PPHLN1: variants seen among roughly 807,000 people sequenced by gnomAD.
The protein encoded by PPHLN1 is periphilin-1.
Under a neutral mutation model 51.3 loss-of-function variants are expected in PPHLN1, and 29 were observed. The ratio of observed to expected loss-of-function variants is 0.57; its 90% confidence interval spans 0.42 to 0.77. The LOEUF is 0.77. Ranked by LOEUF, PPHLN1 falls within the 30% of genes least tolerant of loss-of-function variation. The pLI is 0.00. For missense variants in PPHLN1, 436 were observed against 438.4 expected, an observed-to-expected ratio of 0.99 and a Z score of 0.05; for synonymous variants, 147 against 147.8, an observed-to-expected ratio of 0.99 and a Z score of 0.04.
downstream of PPHLN1, chr12:42,442,535 C>T: frequency 6.8e-7 from 1 of 1,467,982 alleles, no homozygotes. Context: ...TCCAGCTTAT[C>T]AGGACTGCAC....
chr12:42,436,607 T>TC (rs934025925), intron 9 of PPHLN1, among the ~76,000 whole-genome samples: 4 of 151,954 alleles, frequency 2.6e-5, no homozygotes, highest in Non-Finnish European at 4.4e-5. Flanking sequence ...AATTATAATA[T>TC]CCCCCCCTTA....
At chr12:42,387,194 T>C (rs753307897) in intron 6 of PPHLN1, 60 of 254,560 alleles carry the variant, frequency 2.4e-4, no homozygotes, top group Non-Finnish European at 1.3e-4. Flanking sequence ...GAAGTCTCTG[T>C]GGCTCCATGT....
intron 5 of PPHLN1, 57 bp downstream of exon 5, chr12:42,375,131 C>T (rs2076144937): frequency 2.3e-6 from 3 of 1,298,138 alleles, no homozygotes; most frequent in Non-Finnish European, 3.2e-6. Context: ...TGAGAATGTA[C>T]TGAGTCAGAT....
chr12:42,426,283 C>T (rs1946517936), intron 9 of PPHLN1, among the ~76,000 whole-genome samples: 1 of 151,502 alleles, frequency 6.6e-6, no homozygotes, highest in Admixed American at 6.6e-5. Flanking sequence ...ACCTGCCTTC[C>T]AGACCCCTCC....
chr12:42,335,706 T>TA (rs1407664905), intron 1 of PPHLN1, among the ~76,000 whole-genome samples, 177 bp from the exon 2 acceptor site: 1 of 150,036 alleles, frequency 6.7e-6, no homozygotes, highest in Non-Finnish European at 1.5e-5. Flanking sequence ...TTTTTTTTTT[T>TA]AAAGAAAATC....
intron 9 of PPHLN1, among the ~76,000 whole-genome samples, chr12:42,417,943 G>GTTTTTTTTTTGT (rs2080578205): frequency 1.1e-5 from 1 of 88,392 alleles, no homozygotes; most frequent in Non-Finnish European, 2.2e-5. Flanking sequence ...TTTTTTTTTT[G>GTTTTTTTTTTGT]TTTTTTTTTT....
intron 4 of PPHLN1, among the ~76,000 whole-genome samples, chr12:42,367,383 A>G (rs1260167553): frequency 6.6e-6 from 1 of 152,050 alleles, no homozygotes; most frequent in African/African-American, 2.4e-5. Context: ...ACAATTTATG[A>G]TAAATCAGGT....
intron 4 of PPHLN1, among the ~76,000 whole-genome samples, chr12:42,370,066 G>C (rs1357287717): frequency 1.3e-5 from 2 of 152,224 alleles, no homozygotes; most frequent in Non-Finnish European, 2.9e-5. Flanking sequence ...CATGAACTCT[G>C]AATTTCTGCT....
chr12:42,406,216 T>C (rs1386184312), intron 9 of PPHLN1, among the ~76,000 whole-genome samples: 4 of 151,862 alleles, frequency 2.6e-5, no homozygotes, highest in South Asian at 4.2e-4. Flanking sequence ...CCCGAGTAGC[T>C]GGGACTACAG....
chr12:42,338,687 G>A (rs906189790), intron 2 of PPHLN1, among the ~76,000 whole-genome samples: 3 of 152,172 alleles, frequency 2.0e-5, no homozygotes, highest in Non-Finnish European at 4.4e-5. Context: ...GAAACTATTA[G>A]GATAGACTTT....
At chr12:42,330,829 C>T (rs576955355) in intron 1 of PPHLN1, among the ~76,000 whole-genome samples, 61 of 152,168 alleles carry the variant, frequency 4.0e-4, no homozygotes, top group Non-Finnish European at 5.0e-4. Context: ...CTTGCCTCAG[C>T]CTCCTGAGTA....
intron 8 of PPHLN1, chr12:42,398,579 G>A (rs1249107336): frequency 1.2e-5 from 3 of 260,128 alleles, no homozygotes; most frequent in Non-Finnish European, 1.4e-5. Flanking sequence ...ACTAAAAATT[G>A]GAATGAAACA....
intron 2 of PPHLN1, among the ~76,000 whole-genome samples, chr12:42,340,678 A>G (rs1030932189): frequency 6.6e-6 from 1 of 152,202 alleles, no homozygotes; most frequent in Non-Finnish European, 1.5e-5. Context: ...TGACTGGGAG[A>G]CCGCACAATG....
intron 9 of PPHLN1, among the ~76,000 whole-genome samples, chr12:42,417,506 T>C (rs890424062): frequency 6.6e-6 from 1 of 151,376 alleles, no homozygotes; most frequent in Non-Finnish European, 1.5e-5. Context: ...CATGTTGGTA[T>C]GGAAGTCAAC....
At chr12:42,341,368 T>C (rs148866555) in intron 2 of PPHLN1, among the ~76,000 whole-genome samples, 1 of 152,282 alleles carries the variant, frequency 6.6e-6, no homozygotes, top group East Asian at 1.9e-4. Flanking sequence ...AGATGTGATA[T>C]AAAGTGCAAC....
intron 7 of PPHLN1, among the ~76,000 whole-genome samples, chr12:42,389,410 A>T (rs2077488923): frequency 6.6e-6 from 1 of 151,396 alleles, no homozygotes; most frequent in African/African-American, 2.4e-5. Context: ...AAAAAAAACA[A>T]TTAGCCGGGT....
intron 1 of PPHLN1, among the ~76,000 whole-genome samples, chr12:42,331,072 G>C (rs1406823646): frequency 6.6e-6 from 1 of 152,164 alleles, no homozygotes; most frequent in African/African-American, 2.4e-5. Flanking sequence ...GTAACAGTCC[G>C]ATCTCTCTTT....
Position 42,441,341 on chromosome 12 carries a change from C to T in PPHLN1, c.936C>T (p.Phe312=), listed in dbSNP as rs1325489575. Reference sequence around the variant, plus strand: ...TTTACCGACAAGACTGTGAAACTTTCGGGATGGTGGTGAAAATGCTGATTG... The same window carrying T: ...TTTACCGACAAGACTGTGAAACTTTTGGGATGGTGGTGAAAATGCTGATTG... The part of the protein sequence containing the change: ...EQVYRQDCET[F]GMVVKMLIEK... The change falls in exon 10 of 10, where the codon TTC becomes TTT. Residue 312 remains phenylalanine (F), a synonymous_variant. Coordinates refer to ENST00000358314, the MANE Select transcript of PPHLN1 (RefSeq NM_201439.2). The T allele has an allele frequency of 8.7e-6, 14 of 1,611,898 alleles. No individual in the cohort carries two copies. In the Admixed American group the frequency reaches 1.0e-4, roughly 12 times the overall value.
intron 9 of PPHLN1, among the ~76,000 whole-genome samples, chr12:42,415,285 C>T (rs371138033): frequency 2.8e-4 from 42 of 152,310 alleles, no homozygotes; most frequent in African/African-American, 9.9e-4. Flanking sequence ...AATTCTTCTG[C>T]CTCAGCCTCC....
Sources: gnomAD v4.1 joint callset for allele counts (sites outside exome capture counted in the v4.1 genomes callset) on GRCh38, gnomAD v4.1.1 for gene constraint, MANE v1.5 for transcripts, NCBI Gene and HGNC (gene_info 2026-07-23, HGNC 2026-07-21) for gene names.